Variants in CD4 observed in about 807,000 individuals in gnomAD.
CD4 encodes the protein T-cell surface glycoprotein CD4.
In CD4, 25 loss-of-function variants were observed where a neutral mutation model predicts 50.5. That is an observed-to-expected ratio of 0.49 (90% CI 0.36 to 0.69). CD4 has a LOEUF of 0.69. Ranked by LOEUF, CD4 falls within the 30% of genes least tolerant of loss-of-function variation. The pLI is 0.00. For missense variants in CD4, 456 were observed against 548.5 expected, an observed-to-expected ratio of 0.83 and a Z score of 1.68; for synonymous variants, 207 against 221.9, an observed-to-expected ratio of 0.93 and a Z score of 0.60.
intron 3 of CD4, among the ~76,000 whole-genome samples, chr12:6,803,331 A>G (rs1292542387): frequency 2.6e-5 from 4 of 151,456 alleles, no homozygotes; most frequent in Non-Finnish European, 5.9e-5. Flanking sequence ...TTGCATTTTT[A>G]GTAGATGGGG....
At chr12:6,813,536 G>T (rs10774450) in intron 3 of CD4, 98,351 of 152,026 alleles carry the variant, frequency 0.65, 32,843 homozygotes, top group East Asian at 0.89. Context: ...TTAGATACGG[G>T]TCCAAATTAG....
At position 6,792,705 on chromosome 12, in the gene CD4, G is replaced by T. The variant is rs557995105; in HGVS notation, c.-68+3043G>T. On this transcript the variant is annotated intron_variant, in intron 1 of 9. Coordinates refer to ENST00000011653, the MANE Select transcript of CD4 (RefSeq NM_000616.5). The surrounding 1 kb of genome is among the most constrained non-coding windows in gnomAD (Gnocchi z 4.1). ...TCAAAGCTTGTCCAGGGTCTGCATTGCTGCCAAAGGCCAGGAGGACTGTGT... is the reference window on the plus strand; with the variant it reads ...TCAAAGCTTGTCCAGGGTCTGCATTTCTGCCAAAGGCCAGGAGGACTGTGT... 1.3e-5 allele frequency among the ~76,000 whole-genome samples: 2 copies of T among 152,316 alleles called. No individual in the cohort carries two copies. The highest frequency in any genetic ancestry group is 2.9e-5 in the Non-Finnish European group (2 of 68,034).
Position 6,806,946 on chromosome 12 carries a change from T to C in CD4, c.214+6475T>C, listed in dbSNP as rs782650729. ...ACTTTGGGAGGCCGAGGCGGGTGGA[T>C]CACGAGGTCAGGAGATCGAGACCAT... On this transcript the variant is annotated intron_variant, in intron 3 of 9. Coordinates refer to ENST00000011653, the MANE Select transcript of CD4 (RefSeq NM_000616.5). Among the ~76,000 whole-genome samples, 6 of 152,218 alleles carry C rather than the reference T, an allele frequency of 3.9e-5. No individual in the cohort carries two copies. In the South Asian group the frequency reaches 1.2e-3, roughly 32 times the overall value.
At chr12:6,795,836 A>G (rs1007299503) in intron 1 of CD4, among the ~76,000 whole-genome samples, 20 of 152,126 alleles carry the variant, frequency 1.3e-4, no homozygotes, top group Non-Finnish European at 2.4e-4. Flanking sequence ...GGCACTTCCC[A>G]CTGGCCAGCC....
chr12:6,803,654 G>A (rs782020065), intron 3 of CD4, among the ~76,000 whole-genome samples: 5 of 150,328 alleles, frequency 3.3e-5, no homozygotes, highest in African/African-American at 7.3e-5. Context: ...GCGTGGTGGC[G>A]GGCACTTGTA....
chr12:6,806,938 C>T (rs1555116264), intron 3 of CD4, among the ~76,000 whole-genome samples: 1 of 152,110 alleles, frequency 6.6e-6, no homozygotes, highest in Non-Finnish European at 1.5e-5. Context: ...GAGGCCGAGG[C>T]GGGTGGATCA....
At chr12:6,802,303 T>C (rs1942588440) in intron 3 of CD4, among the ~76,000 whole-genome samples, 2 of 151,968 alleles carry the variant, frequency 1.3e-5, no homozygotes, top group South Asian at 4.2e-4. Context: ...AACATTTTGA[T>C]TGATTTTCTT....
intron 3 of CD4, among the ~76,000 whole-genome samples, chr12:6,802,859 G>A (rs968334425): frequency 1.2e-4 from 18 of 151,328 alleles, no homozygotes; most frequent in Non-Finnish European, 2.2e-4. Flanking sequence ...TCAGCCTCCC[G>A]AGTAGCTGGG....
intron 3 of CD4, among the ~76,000 whole-genome samples, chr12:6,809,219 A>G (rs1196556397): frequency 1.3e-5 from 2 of 152,224 alleles, no homozygotes; most frequent in East Asian, 1.9e-4. Flanking sequence ...TGGGCCGGGC[A>G]TGATGTCTGC....
chr12:6,819,148 G>A, intron 9 of CD4, 151 bp from the exon 10 acceptor site: 1 of 827,702 alleles, frequency 1.2e-6, no homozygotes, highest in East Asian at 2.4e-5. Flanking sequence ...GGCAGAAGTG[G>A]GAGGATGGAG....
Position 6,789,553 on chromosome 12 carries a change from C to A in CD4, c.-177C>A, listed in dbSNP as rs1942086118. Reference sequence around the variant, plus strand: ...CTCTCTTCATTTAAGCACGACTCTGCAGAAGGAACAAAGCACCCTCCCCAC... The same window carrying A: ...CTCTCTTCATTTAAGCACGACTCTGAAGAAGGAACAAAGCACCCTCCCCAC... On this transcript the variant is annotated 5_prime_UTR_variant, in exon 1 of 10. Transcript: ENST00000011653. The A allele has an allele frequency of 6.6e-6, 1 of 152,252 alleles. No homozygotes were observed. Among genetic ancestry groups the A allele is most frequent in the South Asian group, 2.1e-4 (1 of 4,838 alleles). The allele number at this position is 152,252 out of a possible 1,614,324, so 9.4% of individuals were successfully genotyped here. A position where few individuals can be genotyped will look rare whatever the true frequency, so the allele number is the denominator to read the frequency against.
At position 6,819,293 on chromosome 12, in the gene CD4, C is replaced by T; in HGVS notation, c.1347-6C>T. 6.2e-7 allele frequency: 1 copy of T among 1,614,138 alleles called. No homozygotes were observed. The highest frequency in any genetic ancestry group is 1.7e-5 in the Admixed American group (1 of 60,028). ...GACCTGCTCCCCTTCTTCTTTGTTC[C>T]TGCAGCCGGTTTCAGAAGACATGTA... On this transcript the variant is annotated splice_polypyrimidine_tract_variant and splice_region_variant and intron_variant, in intron 9 of 9. Coordinates refer to ENST00000011653, the MANE Select transcript of CD4 (RefSeq NM_000616.5).
At chr12:6,813,136 T>TCTCATTTGTTTCACTGCAACCTTTGA in intron 3 of CD4, among the ~76,000 whole-genome samples, 1 of 151,894 alleles carries the variant, frequency 6.6e-6, no homozygotes, top group East Asian at 1.9e-4. Flanking sequence ...AGTGGTGCCA[T>TCTCATTTGTTTCACTGCAACCTTTGA]CTCATTTGTT....
At position 6,816,498 on chromosome 12, in the gene CD4, A is replaced by T; in HGVS notation, c.955+95A>T. On this transcript the variant is annotated intron_variant, in intron 6 of 9. Coordinates refer to ENST00000011653, the MANE Select transcript of CD4 (RefSeq NM_000616.5). The surrounding 1 kb of genome is among the most constrained non-coding windows in gnomAD (Gnocchi z 4.9). ...GAGGCAAGCCAGGCCCCAAGAGGGG[A>T]TGCCTAGGCCCTGGTCACCTGGATG... 1 of 1,030,810 alleles carries T rather than the reference A, an allele frequency of 9.7e-7. No individual in the cohort carries two copies. The highest frequency in any genetic ancestry group is 1.4e-6 in the Non-Finnish European group (1 of 714,742). 63.9% of individuals were successfully genotyped at this position (1,030,810 alleles called of 1,614,324 possible).
chr12:6,819,768 T>G lies in CD4; in HGVS notation c.*439T>G. On this transcript the variant is annotated 3_prime_UTR_variant, in exon 10 of 10. Transcript: ENST00000011653. ...GCACAAAATCACACAGCCAAGCCAG[T>G]CAAGGATGGATGCAGATCCAGAGGT... 5.5e-6 allele frequency: 1 copy of G among 183,306 alleles called. No individual in the cohort carries two copies. Among genetic ancestry groups the G allele is most frequent in the Non-Finnish European group, 1.1e-5 (1 of 88,004 alleles). The allele number at this position is 183,306 out of a possible 1,614,324, so 11.4% of individuals were successfully genotyped here.
chr12:6,794,785 T>TG (rs1565488973), intron 1 of CD4, among the ~76,000 whole-genome samples: 3 of 129,474 alleles, frequency 2.3e-5, no homozygotes, highest in African/African-American at 9.1e-5. Flanking sequence ...GTTTTTTTTT[T>TG]GTTTTTTTTT....
chr12:6,816,077 T>C lies in CD4; in HGVS notation c.629T>C (p.Ile210Thr). 2 of 1,614,052 alleles carry C rather than the reference T, an allele frequency of 1.2e-6. No individual in the cohort carries two copies. The highest frequency in any genetic ancestry group is 2.2e-5 in the East Asian group (1 of 44,880). ...VVLAFQKASS[I>T]VYKKEGEQVE... is the part of the protein sequence containing the mutation. ...CCAGCTTTCCAGAAGGCCTCCAGCA[T>C]AGTCTATAAGAAAGAGGGGGAACAG... Residue 210 changes from isoleucine (I) to threonine (T), a missense_variant, in exon 6 of 10, where the codon ATA becomes ACA. Coordinates refer to ENST00000011653, the MANE Select transcript of CD4 (RefSeq NM_000616.5). This position sits in a 1 kb window ranked among gnomAD's most constrained non-coding sequence, Gnocchi z 4.9.
At chr12:6,798,754 T>A (rs1379721222) in intron 1 of CD4, 1 of 152,352 alleles carries the variant, frequency 6.6e-6, no homozygotes, top group Non-Finnish European at 1.5e-5. Flanking sequence ...CTACAGCCAC[T>A]TGGCTCAGGC....
At position 6,818,402 on chromosome 12, in the gene CD4, A is replaced by G; in HGVS notation, c.1157-19A>G. ...CGTGGAGGAGGGCGGTGCATTGAGC[A>G]CATTTCTCTCCCTTGCAGTTCTGCC... On this transcript the variant is annotated intron_variant, in intron 7 of 9. Transcript: ENST00000011653. This position sits in a 1 kb window ranked among gnomAD's most constrained non-coding sequence, Gnocchi z 5.0. 6 of 1,611,308 alleles carry G rather than the reference A, an allele frequency of 3.7e-6. No individual in the cohort carries two copies. Among genetic ancestry groups the G allele is most frequent in the Non-Finnish European group, 4.2e-6 (5 of 1,179,808 alleles).
Sources: allele counts gnomAD v4.1 joint callset (sites outside exome capture counted in the v4.1 genomes callset), GRCh38; gene constraint gnomAD v4.1.1; non-coding constraint Gnocchi (gnomAD v3.1); transcripts MANE v1.5; gene names NCBI Gene and HGNC (gene_info 2026-07-23, HGNC 2026-07-21).